Variants in YPEL1 observed in about 807,000 individuals in gnomAD.
YPEL1 encodes yippee like 1, also known as protein yippee-like 1.
A neutral mutation model predicts 17.3 loss-of-function variants in YPEL1; 7 were observed. The observed-to-expected ratio is 0.40, with a 90% CI of 0.23 to 0.76. The LOEUF (loss-of-function observed/expected upper bound fraction) is 0.76, where lower values mean the gene tolerates loss of function less well. Among genes scored for constraint, YPEL1 ranks in the 30% least tolerant of loss-of-function variants. The pLI is 0.35. For missense variants in YPEL1, 91 were observed against 155.5 expected (o/e 0.59, Z 2.21); for synonymous variants, 59 against 59.6 (o/e 0.99, Z 0.05).
intron 1 of YPEL1, among the ~76,000 whole-genome samples, chr22:21,725,634 T>C (rs1328681752): frequency 6.6e-6 from 1 of 151,906 alleles, no homozygotes; most frequent in East Asian, 1.9e-4. Flanking sequence ...CTTAAATATC[T>C]AGGGAATGAA....
intron 1 of YPEL1, among the ~76,000 whole-genome samples, chr22:21,715,756 CTTTTCTTTT>C (rs2068216535): frequency 1.8e-5 from 1 of 56,172 alleles, no homozygotes; most frequent in African/African-American, 8.3e-5. Context: ...TTTTCTTTTT[CTTTTCTTTT>C]TTTTTTTTTT....
chr22:21,723,787 T>C (rs1435472062), intron 1 of YPEL1, among the ~76,000 whole-genome samples: 1 of 151,456 alleles, frequency 6.6e-6, no homozygotes, highest in Non-Finnish European at 1.5e-5. Flanking sequence ...TGCCTAAGCC[T>C]CCTGAGTAGC....
intron 1 of YPEL1, 41 bp downstream of exon 1, chr22:21,735,568 ACAAAGT>A (rs2068428770): frequency 9.6e-6 from 1 of 104,196 alleles, no homozygotes; most frequent in Admixed American, 9.0e-5. Flanking sequence ...TTGGGTGGCC[ACAAAGT>A]AACCGCCCGC....
intron 2 of YPEL1, among the ~76,000 whole-genome samples, chr22:21,710,135 T>G (rs1353641736): frequency 6.6e-6 from 1 of 152,146 alleles, no homozygotes; most frequent in Non-Finnish European, 1.5e-5. Flanking sequence ...AGGCTGCTCA[T>G]GGGTTCTATG....
rs2068345437 is a variant in YPEL1, at chr22:21,727,383, T to C, written c.-165+8232A>G. 3.3e-5 allele frequency among the ~76,000 whole-genome samples: 5 copies of C among 152,264 alleles called. No individual in the cohort carries two copies. The South Asian group carries it at 1.0e-3, about 32-fold the overall frequency. Reference sequence around the variant, plus strand: ...GGCTTTTACAAGATCTATTGGCAAATAAGGAACCACCCTGAAGTAAGTAAC... The same window carrying C: ...GGCTTTTACAAGATCTATTGGCAAACAAGGAACCACCCTGAAGTAAGTAAC... On this transcript the variant is annotated intron_variant, in intron 1 of 4. Transcript: ENST00000339468.
intron 1 of YPEL1, among the ~76,000 whole-genome samples, chr22:21,728,370 C>G (rs532249489): frequency 1.3e-5 from 2 of 152,162 alleles, no homozygotes; most frequent in African/African-American, 4.8e-5. Flanking sequence ...GAATGGACAA[C>G]GGATAAAACC....
chr22:21,703,978 G>T lies in YPEL1; in HGVS notation c.118-96C>A. On this transcript the variant is annotated intron_variant, in intron 2 of 4. Transcript: ENST00000339468. The surrounding 1 kb of genome is among the most constrained non-coding windows in gnomAD (Gnocchi z 6.1). The stretch of plus-strand genomic sequence containing the variant: ...GGGGAGTCCAGCCCCGCGGCTGTTA[G>T]CTGCGCCGGGACGCGTCACCGGGAG... 3 of 1,400,998 alleles carry T rather than the reference G, an allele frequency of 2.1e-6. No homozygotes were observed. The highest frequency in any genetic ancestry group is 3.0e-6 in the Non-Finnish European group (3 of 1,009,534). 86.8% of individuals were successfully genotyped at this position (1,400,998 alleles called of 1,614,324 possible).
At chr22:21,705,858 G>T (rs1324104244) in intron 2 of YPEL1, among the ~76,000 whole-genome samples, 1 of 152,030 alleles carries the variant, frequency 6.6e-6, no homozygotes, top group Non-Finnish European at 1.5e-5. Context: ...GGCCAGGCGC[G>T]GTGGCTCACG....
At chr22:21,709,729 A>G (rs1300283648) in intron 2 of YPEL1, among the ~76,000 whole-genome samples, 3 of 152,170 alleles carry the variant, frequency 2.0e-5, no homozygotes, top group Non-Finnish European at 4.4e-5. Context: ...GAAGATGGGG[A>G]GACGTCATGA....
intron 2 of YPEL1, among the ~76,000 whole-genome samples, chr22:21,708,509 T>G (rs1454268280): frequency 6.6e-6 from 1 of 150,656 alleles, no homozygotes; most frequent in Non-Finnish European, 1.5e-5. Context: ...CTAATTTTTT[T>G]GTACTTTATT....
At chr22:21,717,307 C>T (rs1049904918) in intron 1 of YPEL1, among the ~76,000 whole-genome samples, 54 of 145,880 alleles carry the variant, frequency 3.7e-4, no homozygotes, top group African/African-American at 1.4e-3. Context: ...ACCCGGGAGG[C>T]GGAGGTTGCA....
intron 4 of YPEL1, among the ~76,000 whole-genome samples, chr22:21,701,472 ATTTG>A (rs1298408145): frequency 5.3e-5 from 8 of 152,194 alleles, no homozygotes; most frequent in East Asian, 1.9e-4. Flanking sequence ...AAGGTTTTTC[ATTTG>A]TTTGTTTGTT....
chr22:21,731,873 A>G (rs1294996542), intron 1 of YPEL1, among the ~76,000 whole-genome samples: 1 of 152,146 alleles, frequency 6.6e-6, no homozygotes, highest in Non-Finnish European at 1.5e-5. Flanking sequence ...GTTAAGGGGG[A>G]TGATCCTTGG....
At chr22:21,704,298 G>C (rs748136254) in intron 2 of YPEL1, among the ~76,000 whole-genome samples, 8 of 152,170 alleles carry the variant, frequency 5.3e-5, no homozygotes, top group Non-Finnish European at 1.2e-4. Flanking sequence ...GTTCAGATGT[G>C]CTCACGCTGC....
At chr22:21,711,679 T>C (rs151001003) in intron 1 of YPEL1, among the ~76,000 whole-genome samples, 14 of 152,178 alleles carry the variant, frequency 9.2e-5, no homozygotes, top group South Asian at 2.1e-4. Context: ...CCTGCAAAAA[T>C]ATAAAGTTGG....
chr22:21,709,709 C>T (rs1186324448), intron 2 of YPEL1, among the ~76,000 whole-genome samples: 4 of 152,164 alleles, frequency 2.6e-5, no homozygotes, highest in East Asian at 3.9e-4. Flanking sequence ...CCAAAGTGGT[C>T]GTGACCTGTG....
At chr22:21,702,221 C>T (rs2068073146) in intron 4 of YPEL1, among the ~76,000 whole-genome samples, 1 of 152,184 alleles carries the variant, frequency 6.6e-6, no homozygotes, top group African/African-American at 2.4e-5. Flanking sequence ...ACTGTGCCAG[C>T]AGGAAGCGGG....
intron 1 of YPEL1, among the ~76,000 whole-genome samples, chr22:21,722,566 G>A (rs934571498): frequency 2.0e-5 from 3 of 151,724 alleles, no homozygotes; most frequent in African/African-American, 4.8e-5. Context: ...GCAGTGAGCC[G>A]ACATCGTGCC....
rs1351744041 is a variant in YPEL1, at chr22:21,697,559, T to TTTA, written c.*3567_*3569dup. ...GATTTAAACATTTGACATCAGAAGC[T>TTTA]TTATTTGTAAACCTCACACAGATAA... On this transcript the variant is annotated 3_prime_UTR_variant, in exon 5 of 5. Transcript: ENST00000339468. The TTTA allele has an allele frequency of 1.3e-5, 2 of 155,184 alleles. No homozygotes were observed. The highest frequency in any genetic ancestry group is 4.9e-5 in the African/African-American group (2 of 40,806). 9.6% of individuals were successfully genotyped at this position (155,184 alleles called of 1,614,324 possible).
Sources: allele counts gnomAD v4.1 joint callset (sites outside exome capture counted in the v4.1 genomes callset), GRCh38; gene constraint gnomAD v4.1.1; non-coding constraint Gnocchi (gnomAD v3.1); transcripts MANE v1.5; gene names NCBI Gene and HGNC (gene_info 2026-07-23, HGNC 2026-07-21).